The following CASD1 variants were observed in gnomAD, a reference collection of about 807,000 sequenced individuals.
CASD1 encodes N-acetylneuraminate (7)9-O-acetyltransferase.
Under a neutral mutation model 100.0 loss-of-function variants are expected in CASD1, and 41 were observed. The ratio of observed to expected loss-of-function variants is 0.41; its 90% CI spans 0.32 to 0.53. The LOEUF (loss-of-function observed/expected upper bound fraction) is 0.53, where lower values mean the gene tolerates loss of function less well. Among genes scored for constraint, CASD1 ranks in the 20% least tolerant of loss-of-function variants. The pLI is 0.25. For missense variants in CASD1, 774 were observed against 948.7 expected (o/e 0.82, Z 2.42); for synonymous variants, 321 against 315.6 (o/e 1.02, Z -0.18).
At chr7:94,525,541 AAG>A in intron 3 of CASD1, among the ~76,000 whole-genome samples, 1 of 152,340 alleles carries the variant, frequency 6.6e-6, no homozygotes, top group Non-Finnish European at 1.5e-5. Flanking sequence ...TATATTAAAA[AAG>A]GAAAAAGAAG....
the CASD1 span, chr7:94,628,857 C>T: frequency 3.8e-5 from 6 of 159,684 alleles, no homozygotes; most frequent in East Asian, 5.4e-4. Context: ...ACTGTACTAA[C>T]GACAGCATTT....
chr7:94,533,256 TATC>T lies in CASD1; in HGVS notation c.504+11_504+13del. On this transcript the variant is annotated splice_region_variant and intron_variant, in intron 6 of 17. Transcript: ENST00000297273. ...TGTAGCAGGAGCTGCCACAGTAAGT[TATC>T]ATCTGTATTCTTACTTAATGATTTT... The T allele has an allele frequency of 6.2e-7, 1 of 1,603,914 alleles. No individual in the cohort carries two copies. The highest frequency in any genetic ancestry group is 8.5e-7 in the Non-Finnish European group (1 of 1,172,132).
At chr7:94,568,953 CT>C in the CASD1 span, among the ~76,000 whole-genome samples, 1 of 152,108 alleles carries the variant, frequency 6.6e-6, no homozygotes, top group Admixed American at 6.6e-5. Flanking sequence ...ACTACCCAGT[CT>C]CTGGTATATA....
chr7:94,587,860 A>G, the CASD1 span: 1 of 1,523,732 alleles, frequency 6.6e-7, no homozygotes, highest in Non-Finnish European at 8.8e-7. Context: ...CTGAATGAAA[A>G]CATCCAACAC....
At chr7:94,616,487 C>T in the CASD1 span, among the ~76,000 whole-genome samples, 1 of 152,086 alleles carries the variant, frequency 6.6e-6, no homozygotes, top group African/African-American at 2.4e-5. Context: ...CCTTTGCTAG[C>T]TCTGAACCTA....
chr7:94,517,448 G>C lies in CASD1; in HGVS notation c.134-112G>C. The C allele has an allele frequency of 4.9e-6, 3 of 615,336 alleles. 1 individual carries two copies. The highest frequency in any genetic ancestry group is 5.5e-5 in the East Asian group (2 of 36,540). 38.1% of individuals were successfully genotyped at this position (615,336 alleles called of 1,614,324 possible). ...GAACTGTGAACCTGGGCGGTACAGTGAAACAGAGAAAACTCTACTTTTTTA... is the reference window on the plus strand; with the variant it reads ...GAACTGTGAACCTGGGCGGTACAGTCAAACAGAGAAAACTCTACTTTTTTA... On this transcript the variant is annotated intron_variant, in intron 1 of 17. Coordinates refer to ENST00000297273, the MANE Select transcript of CASD1 (RefSeq NM_022900.5).
intron 14 of CASD1, among the ~76,000 whole-genome samples, chr7:94,551,042 CTTA>C (rs1229535076): frequency 6.6e-6 from 1 of 151,928 alleles, no homozygotes; most frequent in African/African-American, 2.4e-5. Flanking sequence ...AGGAGAGTTC[CTTA>C]TTATTTTTAA....
At chr7:94,514,185 A>G (rs1183916503) in intron 1 of CASD1, among the ~76,000 whole-genome samples, 2 of 152,112 alleles carry the variant, frequency 1.3e-5, no homozygotes, top group African/African-American at 4.8e-5. Flanking sequence ...TGTTCTGGAG[A>G]AAAATAAGTT....
At chr7:94,585,202 C>T in the CASD1 span, 1 of 337,786 alleles carries the variant, frequency 3.0e-6, no homozygotes, top group Non-Finnish European at 5.4e-6. Context: ...AAATAGTTTA[C>T]TGAAGTAAAT....
the CASD1 span, among the ~76,000 whole-genome samples, chr7:94,584,450 C>T: frequency 6.3e-4 from 96 of 152,252 alleles, no homozygotes; most frequent in African/African-American, 2.2e-3. Context: ...AATAAGAGAA[C>T]CTACATCCTC....
downstream of CASD1, among the ~76,000 whole-genome samples, chr7:94,557,946 A>G (rs1003204269): frequency 6.6e-6 from 1 of 152,126 alleles, no homozygotes; most frequent in African/African-American, 2.4e-5. Context: ...TTACTCAATC[A>G]TACCATTCTT....
At chr7:94,560,898 T>C (rs17166359), downstream of CASD1, among the ~76,000 whole-genome samples, 16,307 of 152,168 alleles carry the variant, frequency 0.11, 981 homozygotes, top group East Asian at 0.23. Flanking sequence ...AGAAATGACC[T>C]GTTAAGGCTA....
intron 16 of CASD1, among the ~76,000 whole-genome samples, chr7:94,552,953 C>A (rs1482807942): frequency 6.6e-6 from 1 of 151,972 alleles, no homozygotes; most frequent in Non-Finnish European, 1.5e-5. Context: ...CAAACAAAAC[C>A]AAAAAGTTAA....
chr7:94,559,314 G>A (rs1432137806), downstream of CASD1, among the ~76,000 whole-genome samples: 1 of 137,500 alleles, frequency 7.3e-6, no homozygotes. Context: ...GTATGTGTGT[G>A]TGTGTGTGTG....
chr7:94,513,056 G>T (rs1793792735), intron 1 of CASD1, among the ~76,000 whole-genome samples: 2 of 152,156 alleles, frequency 1.3e-5, no homozygotes, highest in Admixed American at 1.3e-4. Flanking sequence ...AGTAATTCAG[G>T]CCGGGCGCAG....
chr7:94,627,577 C>T, the CASD1 span: 1 of 152,430 alleles, frequency 6.6e-6, no homozygotes, highest in African/African-American at 2.4e-5. Context: ...TTTTCTTATA[C>T]CTCTAAGATT....
the CASD1 span, among the ~76,000 whole-genome samples, chr7:94,563,089 C>T: frequency 6.6e-6 from 1 of 152,212 alleles, no homozygotes; most frequent in African/African-American, 2.4e-5. Flanking sequence ...AGCAGTATCA[C>T]CTTTAGGGGG....
the CASD1 span, among the ~76,000 whole-genome samples, chr7:94,580,017 C>G: frequency 1.3e-5 from 2 of 152,166 alleles, no homozygotes; most frequent in Admixed American, 6.6e-5. Flanking sequence ...ATCAATGTAA[C>G]AACAACTGCT....
At chr7:94,558,640 A>G (rs1438511244), downstream of CASD1, among the ~76,000 whole-genome samples, 2 of 152,140 alleles carry the variant, frequency 1.3e-5, no homozygotes, top group Non-Finnish European at 2.9e-5. Flanking sequence ...TCCCCAAATC[A>G]TAATTGTGAT....
Sources: gnomAD v4.1 joint callset for allele counts (sites outside exome capture counted in the v4.1 genomes callset) on GRCh38, gnomAD v4.1.1 for gene constraint, MANE v1.5 for transcripts, NCBI Gene and HGNC (gene_info 2026-07-23, HGNC 2026-07-21) for gene names.